The following RPL23A variants were observed in gnomAD, a reference collection of about 807,000 sequenced individuals.
RPL23A encodes large ribosomal subunit protein uL23.
A neutral mutation model predicts 17.6 loss-of-function variants in RPL23A; 2 were observed. The observed-to-expected ratio is 0.11, with a 90% CI of 0.05 to 0.36. RPL23A has a LOEUF of 0.36. RPL23A is among the 10% of genes least tolerant of loss of function. The probability of loss-of-function intolerance (pLI) is 1.00; values close to 1 mark genes in which losing one functional copy is unlikely to be tolerated. For synonymous variants in RPL23A, 65 were observed against 74.3 expected, an observed-to-expected ratio of 0.87 and a Z score of 0.65; for missense variants, 132 against 194.4, an observed-to-expected ratio of 0.68 and a Z score of 1.91.
rs368969871 is a variant in RPL23A, at chr17:28,723,759, C to G, written c.457-108C>G. On this transcript the variant is annotated intron_variant, in intron 4 of 4. Transcript: ENST00000422514. ...CATAATTAACTGACTGCACCCCTAT[C>G]CTTGACAAACCTTATCCTCACATTC... The G allele has an allele frequency of 3.7e-6, 5 of 1,360,864 alleles. No individual in the cohort carries two copies. The African/African-American group carries it at 5.7e-5, about 16-fold the overall frequency. 84.3% of individuals were successfully genotyped at this position (1,360,864 alleles called of 1,614,324 possible).
intron 2 of RPL23A, chr17:28,722,418 C>G (rs1466609934): frequency 4.3e-6 from 2 of 466,310 alleles, no homozygotes; most frequent in East Asian, 9.8e-5. Flanking sequence ...ACCTCGTGAT[C>G]AGCCTGCCTC....
Position 28,724,071 on chromosome 17 carries a change from AT to A in RPL23A, c.*192del. 1 of 539,070 alleles carries A rather than the reference AT, an allele frequency of 1.9e-6. No individual in the cohort carries two copies. The highest frequency in any genetic ancestry group is 3.2e-6 in the Non-Finnish European group (1 of 311,624). 33.4% of individuals were successfully genotyped at this position (539,070 alleles called of 1,614,324 possible). A position where few individuals can be genotyped will look rare whatever the true frequency, so the allele number is the denominator to read the frequency against. On this transcript the variant is annotated 3_prime_UTR_variant, in exon 5 of 5. Coordinates refer to ENST00000422514, the MANE Select transcript of RPL23A (RefSeq NM_000984.6). ...CCCTGCCACTCCACCATGTATGATC[AT>A]TCCAGAGATCTTTGTGACTAGAGTT...
At chr17:28,723,835 C>A in intron 4 of RPL23A, 32 bp from the exon 5 acceptor site, 1 of 1,598,398 alleles carries the variant, frequency 6.3e-7, no homozygotes, top group African/African-American at 1.3e-5. Context: ...CATATTTCAA[C>A]TCCAGTAACG....
chr17:28,723,557 C>G lies in RPL23A; in HGVS notation c.387-14C>G, dbSNP rs1302167288. The G allele has an allele frequency of 6.2e-7, 1 of 1,610,626 alleles. No homozygotes were observed. Among genetic ancestry groups the G allele is most frequent in the Non-Finnish European group, 8.5e-7 (1 of 1,176,926 alleles). On this transcript the variant is annotated splice_polypyrimidine_tract_variant and intron_variant, in intron 3 of 4. Coordinates refer to ENST00000422514, the MANE Select transcript of RPL23A (RefSeq NM_000984.6). ...TGAGGGTGGCAGGGACTAAGGCTTC[C>G]TTCTCTACCCTAGGCCTGATGGAGA...
At chr17:28,721,101 C>T (rs906533485) in intron 2 of RPL23A, 4 of 474,370 alleles carry the variant, frequency 8.4e-6, no homozygotes, top group Admixed American at 3.4e-5. Context: ...TCTGTAATCC[C>T]AGCACTTTGG....
Position 28,723,556 on chromosome 17 carries a change from C to A in RPL23A, c.387-15C>A. The A allele has an allele frequency of 6.2e-7, 1 of 1,609,882 alleles. No homozygotes were observed. The highest frequency in any genetic ancestry group is 8.5e-7 in the Non-Finnish European group (1 of 1,176,222). The stretch of plus-strand genomic sequence containing the variant: ...GTGAGGGTGGCAGGGACTAAGGCTT[C>A]CTTCTCTACCCTAGGCCTGATGGAG... On this transcript the variant is annotated splice_polypyrimidine_tract_variant and intron_variant, in intron 3 of 4. Coordinates refer to ENST00000422514, the MANE Select transcript of RPL23A (RefSeq NM_000984.6).
intron 3 of RPL23A, 94 bp downstream of exon 3, chr17:28,722,993 GTCCTGGTAATGCAGGACTAC>G: frequency 1.0e-6 from 1 of 956,232 alleles, no homozygotes; most frequent in Non-Finnish European, 1.7e-6. Flanking sequence ...TGTTTAGGTA[GTCCTGGTAATGCAGGACTAC>G]ACGTGTAGTC....
chr17:28,720,087 C>T (rs1349264600), intron 1 of RPL23A, 57 bp downstream of exon 1: 2 of 1,546,952 alleles, frequency 1.3e-6, no homozygotes, highest in Admixed American at 3.9e-5. Context: ...CGCCGCAGAG[C>T]GAACGAATTG....
At chr17:28,723,341 A>G (rs2034149841) in intron 3 of RPL23A, 1 of 733,740 alleles carries the variant, frequency 1.4e-6, no homozygotes. Flanking sequence ...AGAGTGCGAC[A>G]CGTGGCAGAT....
intron 1 of RPL23A, chr17:28,720,346 TC>T (rs1184154868): frequency 6.4e-7 from 1 of 1,552,128 alleles, no homozygotes; most frequent in Admixed American, 2.0e-5. Context: ...ATTAGTGCCC[TC>T]AGCTTTAACC....
intron 1 of RPL23A, chr17:28,720,399 C>T: frequency 6.3e-7 from 1 of 1,588,120 alleles, no homozygotes; most frequent in African/African-American, 1.3e-5. Flanking sequence ...ACATTACCCG[C>T]CCCTCTCTCC....
In RPL23A at chr17:28,723,769, C is replaced by T. The variant is rs149892521; in HGVS notation, c.457-98C>T. On this transcript the variant is annotated intron_variant, in intron 4 of 4. Coordinates refer to ENST00000422514, the MANE Select transcript of RPL23A (RefSeq NM_000984.6). ...TGACTGCACCCCTATCCTTGACAAA[C>T]CTTATCCTCACATTCCTCATTTTGC... 1.1e-4 allele frequency: 150 copies of T among 1,393,974 alleles called. No individual in the cohort carries two copies. The African/African-American group carries it at 1.9e-3, about 18-fold the overall frequency. The allele number at this position is 1,393,974 out of a possible 1,614,324, so 86.4% of individuals were successfully genotyped here. A position where few individuals can be genotyped will look rare whatever the true frequency, so the allele number is the denominator to read the frequency against.
chr17:28,720,174 A>ACGTGGGCCG, intron 1 of RPL23A, 144 bp downstream of exon 1: 2 of 1,526,344 alleles, frequency 1.3e-6, no homozygotes, highest in Non-Finnish European at 1.8e-6. Flanking sequence ...GCTGCAGTAT[A>ACGTGGGCCG]CGTGGGCCGC....
rs989962100 is a variant in RPL23A, at chr17:28,720,232, G to C, written c.25+202G>C. 43 of 1,539,080 alleles carry C rather than the reference G, an allele frequency of 2.8e-5. No homozygotes were observed. The African/African-American group carries it at 3.4e-4, about 12-fold the overall frequency. On this transcript the variant is annotated intron_variant, in intron 1 of 4. Coordinates refer to ENST00000422514, the MANE Select transcript of RPL23A (RefSeq NM_000984.6). The stretch of plus-strand genomic sequence containing the variant: ...AGTTCCGGTAGAGGGAGTTGGGGGG[G>C]GGCAACGCGGCAGGCATCATCCGCC...
At chr17:28,720,943 A>G (rs1374835501) in intron 2 of RPL23A, 53 bp downstream of exon 2, 15 of 1,501,758 alleles carry the variant, frequency 1.0e-5, no homozygotes, top group African/African-American at 1.4e-5. Flanking sequence ...TCCATTGGTA[A>G]TTTGGAAATT....
Position 28,722,734 on chromosome 17 carries a change from A to G in RPL23A, c.221A>G (p.Tyr74Cys). 2 of 1,614,064 alleles carry G rather than the reference A, an allele frequency of 1.2e-6. No homozygotes were observed. The highest frequency in any genetic ancestry group is 1.7e-6 in the Non-Finnish European group (2 of 1,179,962). Residue 74 changes from tyrosine to cysteine, a missense_variant, in exon 3 of 5, where the codon TAT becomes TGT. This residue lies in a region of RPL23A where 69 missense variants were observed against 145.5 expected (regional missense o/e 0.47). Transcript: ENST00000422514. ...TTTGCCTCTCCCAGGCTTGACCACT[A>G]TGCTATCATCAAGTTTCCGCTGACC... Reference protein sequence around the residue: ...SAPRRNKLDHYAIIKFPLTTE... With the variant: ...SAPRRNKLDHCAIIKFPLTTE...
chr17:28,720,614 C>G (rs750013593), intron 1 of RPL23A, 93 bp from the exon 2 acceptor site: 14 of 1,413,884 alleles, frequency 9.9e-6, no homozygotes, highest in Non-Finnish European at 1.4e-5. Context: ...ACCACTGATG[C>G]ACCTGTGGCC....
In RPL23A at chr17:28,722,842, A is replaced by T. The variant is rs1191410723; in HGVS notation, c.329A>T (p.Lys110Ile). 1 of 1,613,846 alleles carries T rather than the reference A, an allele frequency of 6.2e-7. No homozygotes were observed. The highest frequency in any genetic ancestry group is 1.3e-5 in the African/African-American group (1 of 74,918). The change falls in exon 3 of 5, where the codon AAA becomes ATA. Residue 110 changes from lysine to isoleucine, a missense_variant. Around this residue, in one of 2 missense-constraint regions of RPL23A, gnomAD observed 69 missense variants for 145.5 expected, o/e 0.47. Coordinates refer to ENST00000422514, the MANE Select transcript of RPL23A (RefSeq NM_000984.6). ...VDVKANKHQI[K>I]QAVKKLYDID... ...GTTAAAGCCAACAAGCACCAGATTA[A>T]ACAGGCTGTGAAGAAGCTGTATGAC...
chr17:28,721,937 C>T (rs1309590866), intron 2 of RPL23A: 1 of 152,156 alleles, frequency 6.6e-6, no homozygotes, highest in Non-Finnish European at 1.5e-5. Context: ...CTTAACCTCA[C>T]CTATGCATAA....
Sources: gnomAD v4.1 joint callset for allele counts on GRCh38, gnomAD v4.1.1 for gene constraint, gnomAD v4.1.1 regional missense constraint, MANE v1.5 for transcripts, NCBI Gene and HGNC (gene_info 2026-07-23, HGNC 2026-07-21) for gene names.